The following SLIT3 variants were observed in gnomAD, a reference collection of about 807,000 sequenced individuals.
SLIT3 encodes the protein slit homolog 3 protein.
SLIT3 carries 68 observed loss-of-function variants against 184.0 expected under a neutral mutation model. The observed-to-expected ratio is 0.37, with a 90% CI of 0.30 to 0.45. The LOEUF is 0.45. Among genes scored for constraint, SLIT3 ranks in the 20% least tolerant of loss-of-function variants. SLIT3 has a pLI of 1.00. For missense variants in SLIT3, 1,707 were observed against 2,026.0 expected, an observed-to-expected ratio of 0.84 and a Z score of 3.02; for synonymous variants, 831 against 828.6, an observed-to-expected ratio of 1.00 and a Z score of -0.05.
At chr5:168,766,921 C>G (rs1467559773) in intron 14 of SLIT3, among the ~76,000 whole-genome samples, 2 of 152,186 alleles carry the variant, frequency 1.3e-5, no homozygotes, top group Admixed American at 6.5e-5. Context: ...AAGTCCCTAT[C>G]AAATCACAGT....
chr5:168,882,876 A>G (rs1760009327), intron 5 of SLIT3, among the ~76,000 whole-genome samples: 1 of 152,140 alleles, frequency 6.6e-6, no homozygotes, highest in African/African-American at 2.4e-5. Flanking sequence ...ACCACGTACT[A>G]TGTATGAGGC....
At chr5:168,750,921 G>T (rs1302485804) in intron 18 of SLIT3, among the ~76,000 whole-genome samples, 1 of 152,102 alleles carries the variant, frequency 6.6e-6, no homozygotes, top group Non-Finnish European at 1.5e-5. Context: ...GAATGACACA[G>T]TATGTTAGGA....
At chr5:169,008,657 GT>G (rs369408913) in intron 4 of SLIT3, among the ~76,000 whole-genome samples, 1 of 151,368 alleles carries the variant, frequency 6.6e-6, no homozygotes, top group South Asian at 2.1e-4. Context: ...TGCTGTTGTT[GT>G]TTTTTTTTAA....
In SLIT3 at chr5:168,846,355, C is replaced by T. The variant is rs377706739; in HGVS notation, c.486-1700G>A. On this transcript the variant is annotated intron_variant, in intron 5 of 35. Transcript: ENST00000519560. ...CACACGGAGTCTCACCACATCTTCT[C>T]GACCCCTAATTCTTCTGGAGCCTTT... 3.3e-4 allele frequency among the ~76,000 whole-genome samples: 50 copies of T among 152,226 alleles called. No individual in the cohort carries two copies. In the South Asian group the frequency reaches 9.4e-3, roughly 29 times the overall value.
chr5:169,117,426 C>G (rs1432715736), intron 4 of SLIT3, among the ~76,000 whole-genome samples: 5 of 152,012 alleles, frequency 3.3e-5, no homozygotes, highest in African/African-American at 1.2e-4. Context: ...TCCCTGCCCC[C>G]CTCACCTCTT....
chr5:168,791,059 C>T (rs969717708), intron 10 of SLIT3: 11 of 152,210 alleles, frequency 7.2e-5, no homozygotes, highest in Admixed American at 5.2e-4. Context: ...GCTTTTCTTC[C>T]GCGCTCCGGT....
At chr5:169,157,658 AAACC>A (rs1202308575) in intron 4 of SLIT3, among the ~76,000 whole-genome samples, 1 of 152,226 alleles carries the variant, frequency 6.6e-6, no homozygotes, top group African/African-American at 2.4e-5. Flanking sequence ...TTTCAATAGA[AAACC>A]ACTCATCATG....
intron 5 of SLIT3, among the ~76,000 whole-genome samples, chr5:168,858,692 G>C (rs999912181): frequency 6.6e-6 from 1 of 152,226 alleles, no homozygotes; most frequent in East Asian, 1.9e-4. Context: ...AAATGGATGA[G>C]CTGTGTCTTC....
chr5:168,950,991 C>G (rs990044503), intron 4 of SLIT3, among the ~76,000 whole-genome samples: 4 of 152,192 alleles, frequency 2.6e-5, no homozygotes, highest in Non-Finnish European at 4.4e-5. Flanking sequence ...GAGGCCAAGG[C>G]TGGTGGATTA....
intron 4 of SLIT3, among the ~76,000 whole-genome samples, chr5:169,150,333 C>T (rs1412521202): frequency 6.6e-6 from 1 of 152,042 alleles, no homozygotes; most frequent in Non-Finnish European, 1.5e-5. Flanking sequence ...AGGCCAGGAC[C>T]ACAAATGGCT....
rs369097506 is a variant in SLIT3 at position 169,196,443 on chromosome 5, G to A, written c.342-2893C>T. Reference sequence around the variant, plus strand: ...TAAATGACACAGTGTCTACGCAAGCGTTCAGCACTGCAATAAGAGCATGAC... The same window carrying A: ...TAAATGACACAGTGTCTACGCAAGCATTCAGCACTGCAATAAGAGCATGAC... On this transcript the variant is annotated intron_variant, in intron 3 of 35. Coordinates refer to ENST00000519560, the MANE Select transcript of SLIT3 (RefSeq NM_003062.4). Among the ~76,000 whole-genome samples the A allele has an allele frequency of 7.2e-5, 11 of 152,164 alleles. No homozygotes were observed. In the East Asian group the frequency reaches 9.6e-4, roughly 13 times the overall value.
chr5:169,005,233 G>A (rs565251030), intron 4 of SLIT3, among the ~76,000 whole-genome samples: 25 of 152,070 alleles, frequency 1.6e-4, no homozygotes, highest in Admixed American at 8.5e-4. Context: ...ACTTTATTGC[G>A]ATACTCACTT....
chr5:168,720,573 G>GTT (rs1762911759), intron 23 of SLIT3: 1 of 152,266 alleles, frequency 6.6e-6, no homozygotes, highest in Non-Finnish European at 1.5e-5. Flanking sequence ...GGGATTGAGG[G>GTT]GGAATGGTAG....
intron 5 of SLIT3, among the ~76,000 whole-genome samples, chr5:168,858,019 T>C (rs925784554): frequency 6.6e-5 from 10 of 152,254 alleles, no homozygotes; most frequent in Admixed American, 2.0e-4. Flanking sequence ...TCAGCTCTTC[T>C]GTGTCTTAGA....
At chr5:168,942,639 G>A (rs1762364406) in intron 4 of SLIT3, among the ~76,000 whole-genome samples, 1 of 152,126 alleles carries the variant, frequency 6.6e-6, no homozygotes, top group Admixed American at 6.5e-5. Flanking sequence ...ACGAATATAT[G>A]TACTTATTCA....
chr5:169,274,054 A>G (rs944768685), intron 1 of SLIT3, among the ~76,000 whole-genome samples: 1 of 152,144 alleles, frequency 6.6e-6, no homozygotes, highest in Non-Finnish European at 1.5e-5. Context: ...TAATCCCCCA[A>G]ATGGGGTTCC....
chr5:168,664,045 A>C lies in SLIT3; in HGVS notation c.*2409T>G, dbSNP rs1760953545. ...TGGCTCTACGGTTTATTAGACATTT[A>C]CTCTTGGGCAAGTTCTTTAACTTCT... On this transcript the variant is annotated 3_prime_UTR_variant, in exon 36 of 36. Transcript: ENST00000519560. The C allele has an allele frequency of 2.0e-5, 3 of 151,842 alleles. No individual in the cohort carries two copies. Among genetic ancestry groups the C allele is most frequent in the African/African-American group, 7.3e-5 (3 of 41,294 alleles). 9.4% of individuals were successfully genotyped at this position (151,842 alleles called of 1,614,324 possible).
At chr5:168,782,211 T>C (rs140959605) in intron 12 of SLIT3, among the ~76,000 whole-genome samples, 78 of 152,286 alleles carry the variant, frequency 5.1e-4, no homozygotes, top group African/African-American at 1.9e-3. Context: ...TAGAGTTGTC[T>C]TAACTTATTC....
chr5:169,065,582 G>A (rs1240673814), intron 4 of SLIT3, among the ~76,000 whole-genome samples: 1 of 152,124 alleles, frequency 6.6e-6, no homozygotes, highest in Non-Finnish European at 1.5e-5. Flanking sequence ...CTTTGTCTTC[G>A]TCACATCAGA....
Sources: gnomAD v4.1 joint callset for allele counts (sites outside exome capture counted in the v4.1 genomes callset) on GRCh38, gnomAD v4.1.1 for gene constraint, MANE v1.5 for transcripts, NCBI Gene and HGNC (gene_info 2026-07-23, HGNC 2026-07-21) for gene names.